EMP1: variants seen among roughly 807,000 people sequenced by gnomAD.
EMP1 encodes the protein tumor-associated membrane protein.
Under a neutral mutation model 15.7 loss-of-function variants are expected in EMP1, and 5 were observed. That is an observed-to-expected ratio of 0.32 (90% CI 0.17 to 0.67). The LOEUF (loss-of-function observed/expected upper bound fraction) is 0.67, where lower values mean the gene tolerates loss of function less well. Ranked by LOEUF, EMP1 falls within the 30% of genes least tolerant of loss-of-function variation. EMP1 has a pLI of 0.74. For missense variants in EMP1, 166 were observed against 194.2 expected, an observed-to-expected ratio of 0.85 and a Z score of 0.86; for synonymous variants, 78 against 76.7, an observed-to-expected ratio of 1.02 and a Z score of -0.09.
chr12:13,212,258 A>G (rs1864171657), intron 2 of EMP1, among the ~76,000 whole-genome samples: 1 of 152,082 alleles, frequency 6.6e-6, no homozygotes, highest in South Asian at 2.1e-4. Context: ...ACCCTGGGCT[A>G]CTCTGACCTC....
In EMP1 at chr12:13,214,786, T is replaced by C. The variant is rs1555140797; in HGVS notation, c.*95T>C. On this transcript the variant is annotated 3_prime_UTR_variant, in exon 5 of 5. Coordinates refer to ENST00000256951, the MANE Select transcript of EMP1 (RefSeq NM_001423.3). ...GGTTGCTGTACAGGAAAAACCGAGATAGGGGAGGGGGGAGGGGGAAGCAAA... is the reference window on the plus strand; with the variant it reads ...GGTTGCTGTACAGGAAAAACCGAGACAGGGGAGGGGGGAGGGGGAAGCAAA... 1 of 76,950 alleles carries C rather than the reference T, an allele frequency of 1.3e-5. No individual in the cohort carries two copies. The highest frequency in any genetic ancestry group is 2.4e-5 in the Non-Finnish European group (1 of 42,246). The allele number at this position is 76,950 out of a possible 1,614,324, so 4.8% of individuals were successfully genotyped here. A position where few individuals can be genotyped will look rare whatever the true frequency, so the allele number is the denominator to read the frequency against.
chr12:13,212,424 G>T (rs1864173370), intron 2 of EMP1, among the ~76,000 whole-genome samples: 1 of 152,188 alleles, frequency 6.6e-6, no homozygotes, highest in African/African-American at 2.4e-5. Flanking sequence ...AAGTATAAGT[G>T]AGTTTTAAAG....
rs756129778 is a variant in EMP1 at position 13,213,742 on chromosome 12, C to T, written c.237C>T (p.Leu79=). Residue 79 remains leucine (L), a synonymous_variant, in exon 4 of 5, where the codon CTC becomes CTT. Transcript: ENST00000256951. ...ILSIIFCVIA[L]LVFVFQLFTM... is the part of the protein sequence containing the mutation. ...CTATCATCTTCTGTGTCATTGCCCT[C>T]CTGGTCTTCGTGTTCCAGCTCTTCA... The T allele has an allele frequency of 3.1e-6, 5 of 1,614,188 alleles. No individual in the cohort carries two copies. Among genetic ancestry groups the T allele is most frequent in the Non-Finnish European group, 4.2e-6 (5 of 1,180,044 alleles).
intron 1 of EMP1, among the ~76,000 whole-genome samples, chr12:13,198,184 G>A (rs1253962919): frequency 1.3e-5 from 2 of 152,210 alleles, no homozygotes; most frequent in Admixed American, 6.5e-5. Context: ...TCTTGTTCCC[G>A]AAATGTGATT....
At position 13,214,571 on chromosome 12, in the gene EMP1, T is replaced by G; in HGVS notation, c.354T>G (p.Ser118Arg). ...CILVGVSIYTSHYANRDGTQY... is the reference protein window; with the variant it reads ...CILVGVSIYTRHYANRDGTQY... Reference sequence around the variant, plus strand: ...TTGTGGGGGTGTCCATCTACACTAGTCATTATGCGAATCGTGATGGAACGC... The same window carrying G: ...TTGTGGGGGTGTCCATCTACACTAGGCATTATGCGAATCGTGATGGAACGC... Residue 118 changes from serine (S) to arginine (R), a missense_variant, in exon 5 of 5, where the codon AGT (serine) becomes AGG (arginine). Physicochemically the swap from Ser to Arg is moderately radical, Grantham distance 110. Transcript: ENST00000256951. 1 of 1,613,998 alleles carries G rather than the reference T, an allele frequency of 6.2e-7. No homozygotes were observed. Among genetic ancestry groups the G allele is most frequent in the Non-Finnish European group, 8.5e-7 (1 of 1,179,966 alleles).
At chr12:13,197,691 C>T (rs1473233404) in intron 1 of EMP1, among the ~76,000 whole-genome samples, 1 of 152,030 alleles carries the variant, frequency 6.6e-6, no homozygotes, top group Non-Finnish European at 1.5e-5. Context: ...GGGAGAATTG[C>T]TTGAATCCGG....
In EMP1 at chr12:13,211,347, A is replaced by C. The variant is rs909117402; in HGVS notation, c.-42-122A>C. ...GGTGTTTTCAGGAATTTATGATTAG[A>C]TTGTGATGGTTTTTAGTGCAGCTCT... On this transcript the variant is annotated intron_variant, in intron 1 of 4. Coordinates refer to ENST00000256951, the MANE Select transcript of EMP1 (RefSeq NM_001423.3). The surrounding 1 kb of genome is among the most constrained non-coding windows in gnomAD (Gnocchi z 4.7). 1.4e-6 allele frequency: 1 copy of C among 708,464 alleles called. No homozygotes were observed. Among genetic ancestry groups the C allele is most frequent in the Admixed American group, 2.8e-5 (1 of 36,102 alleles). 43.9% of individuals were successfully genotyped at this position (708,464 alleles called of 1,614,324 possible). A position where few individuals can be genotyped will look rare whatever the true frequency, so the allele number is the denominator to read the frequency against.
rs534442086 is a variant in EMP1, at chr12:13,216,629, A to T, written c.*1938A>T. 6.6e-6 allele frequency: 4 copies of T among 604,572 alleles called. No individual in the cohort carries two copies. The South Asian group carries it at 8.0e-5, about 12-fold the overall frequency. The allele number at this position is 604,572 out of a possible 1,614,324, so 37.5% of individuals were successfully genotyped here. ...TTTTTTTCTGTGACATTTATGTCTC[A>T]TGTAATTTGCATTACTCTGGTGGAT... On this transcript the variant is annotated 3_prime_UTR_variant, in exon 5 of 5. Coordinates refer to ENST00000256951, the MANE Select transcript of EMP1 (RefSeq NM_001423.3).
At chr12:13,201,961 G>C (rs1022152264) in intron 1 of EMP1, among the ~76,000 whole-genome samples, 1 of 150,466 alleles carries the variant, frequency 6.6e-6, no homozygotes, top group East Asian at 2.0e-4. Context: ...AACAGTTTGA[G>C]AGGAGGAAGA....
At chr12:13,203,651 C>A (rs1218544322) in intron 1 of EMP1, among the ~76,000 whole-genome samples, 2 of 152,200 alleles carry the variant, frequency 1.3e-5, no homozygotes, top group Non-Finnish European at 2.9e-5. Flanking sequence ...ACTGTGTGGC[C>A]CCCACTCTGT....
chr12:13,209,121 G>A (rs181762203), intron 1 of EMP1: 2 of 152,280 alleles, frequency 1.3e-5, no homozygotes, highest in Non-Finnish European at 2.9e-5. Flanking sequence ...TTTAAGAAGA[G>A]GATGTTTGTA....
In EMP1 at chr12:13,199,722, A is replaced by T. The variant is rs529621917; in HGVS notation, c.-43+2850A>T. On this transcript the variant is annotated intron_variant, in intron 1 of 4. Transcript: ENST00000256951. ...TCAGAACCTCAGTGTGTACCTCCACACTCATTCCCCTTAGCAGGCCAACTC... is the reference window on the plus strand; with the variant it reads ...TCAGAACCTCAGTGTGTACCTCCACTCTCATTCCCCTTAGCAGGCCAACTC... 1.2e-4 allele frequency among the ~76,000 whole-genome samples: 18 copies of T among 152,138 alleles called. No homozygotes were observed. In the South Asian group the frequency reaches 3.5e-3, roughly 30 times the overall value.
intron 1 of EMP1, among the ~76,000 whole-genome samples, chr12:13,198,957 C>T (rs1161848400): frequency 6.7e-6 from 1 of 150,236 alleles, no homozygotes; most frequent in Non-Finnish European, 1.5e-5. Flanking sequence ...CCCCCCCACT[C>T]TGCCCGCTGC....
chr12:13,210,173 C>G (rs922802205), intron 1 of EMP1, among the ~76,000 whole-genome samples: 1 of 152,098 alleles, frequency 6.6e-6, no homozygotes, highest in African/African-American at 2.4e-5. Flanking sequence ...TAATAAATAC[C>G]TGATGTGGCA....
chr12:13,203,749 G>C (rs540042759), intron 1 of EMP1, among the ~76,000 whole-genome samples: 2 of 152,250 alleles, frequency 1.3e-5, no homozygotes, highest in African/African-American at 2.4e-5. Context: ...TTGGAGCTGA[G>C]AATCCCTGCT....
At chr12:13,209,799 C>T (rs1654690467) in intron 1 of EMP1, among the ~76,000 whole-genome samples, 1 of 152,080 alleles carries the variant, frequency 6.6e-6, no homozygotes, top group African/African-American at 2.4e-5. Flanking sequence ...GGGAGGTGTG[C>T]TAGAACCTGA....
intron 1 of EMP1, among the ~76,000 whole-genome samples, chr12:13,210,346 A>G (rs1176970508): frequency 6.6e-6 from 1 of 152,130 alleles, no homozygotes; most frequent in South Asian, 2.1e-4. Flanking sequence ...TTTCCTTTTG[A>G]TGTCCCTCTG....
At chr12:13,197,435 A>AT (rs373157312) in intron 1 of EMP1, among the ~76,000 whole-genome samples, 53 of 151,862 alleles carry the variant, frequency 3.5e-4, no homozygotes, top group Middle Eastern at 3.4e-3. Context: ...AAATTTAAGT[A>AT]TTTTTTTTCT....
chr12:13,204,543 G>A (rs1864094041), intron 1 of EMP1, among the ~76,000 whole-genome samples: 3 of 152,160 alleles, frequency 2.0e-5, no homozygotes, highest in South Asian at 4.1e-4. Flanking sequence ...AAATGCTCCC[G>A]ACTTGCGCAG....
Sources: gnomAD v4.1 joint callset for allele counts (sites outside exome capture counted in the v4.1 genomes callset) on GRCh38, gnomAD v4.1.1 for gene constraint, Gnocchi (gnomAD v3.1) non-coding constraint, MANE v1.5 for transcripts, NCBI Gene and HGNC (gene_info 2026-07-23, HGNC 2026-07-21) for gene names.